COL28A1: variants seen among roughly 807,000 people sequenced by gnomAD.
The protein encoded by COL28A1 is collagen type XXVIII alpha 1 chain.
A neutral mutation model predicts 150.2 loss-of-function variants in COL28A1; 161 were observed. The observed-to-expected ratio is 1.07, with a 90% CI of 0.94 to 1.22. The LOEUF (loss-of-function observed/expected upper bound fraction) is 1.22. Ranked by LOEUF, COL28A1 falls within the 50% of genes most tolerant of loss-of-function variation. The probability of loss-of-function intolerance (pLI) is 0.00; values close to 1 mark genes in which losing one functional copy is unlikely to be tolerated. For missense variants in COL28A1, 1,617 were observed against 1,388.3 expected, an observed-to-expected ratio of 1.16 and a Z score of -2.62; for synonymous variants, 552 against 469.7, an observed-to-expected ratio of 1.18 and a Z score of -2.26.
At chr7:7,525,290 C>A (rs1781961011) in intron 3 of COL28A1, among the ~76,000 whole-genome samples, 1 of 152,098 alleles carries the variant, frequency 6.6e-6, no homozygotes, top group African/African-American at 2.4e-5. Flanking sequence ...GAATATTTTT[C>A]AAAACTATTT....
intron 30 of COL28A1, among the ~76,000 whole-genome samples, chr7:7,377,104 T>C (rs938183439): frequency 2.6e-5 from 4 of 152,226 alleles, no homozygotes; most frequent in African/African-American, 9.7e-5. Flanking sequence ...ATGTTCTTTG[T>C]CTTATCTTTT....
chr7:7,437,214 G>A (rs1217888848), intron 22 of COL28A1, among the ~76,000 whole-genome samples, 180 bp downstream of exon 22: 1 of 152,130 alleles, frequency 6.6e-6, no homozygotes, highest in East Asian at 1.9e-4. Flanking sequence ...CACAAAATCT[G>A]GTTTCTAGTC....
At chr7:7,530,425 T>C (rs988657410) in intron 3 of COL28A1, among the ~76,000 whole-genome samples, 1 of 152,150 alleles carries the variant, frequency 6.6e-6, no homozygotes, top group African/African-American at 2.4e-5. Context: ...ATCTCTGAAA[T>C]AGAGCCTGAG....
chr7:7,383,253 TGTG>T (rs1562511972), intron 27 of COL28A1, among the ~76,000 whole-genome samples: 41 of 105,346 alleles, frequency 3.9e-4, no homozygotes, highest in African/African-American at 2.0e-3. Flanking sequence ...TTTTTTGTTG[TGTG>T]TGTGTGTGTG....
At chr7:7,393,471 G>A (rs2128295285) in intron 27 of COL28A1, among the ~76,000 whole-genome samples, 1 of 152,368 alleles carries the variant, frequency 6.6e-6, no homozygotes, top group South Asian at 2.1e-4. Context: ...CCTTAGCAGA[G>A]CTTGAACGCT....
chr7:7,407,733 G>A (rs547019575), intron 27 of COL28A1, among the ~76,000 whole-genome samples: 38 of 151,926 alleles, frequency 2.5e-4, no homozygotes, highest in Middle Eastern at 3.4e-3. Flanking sequence ...GATGCAAGAC[G>A]GATTAAAGAG....
chr7:7,419,115 C>T (rs928331503), intron 26 of COL28A1, among the ~76,000 whole-genome samples: 1 of 152,164 alleles, frequency 6.6e-6, no homozygotes, highest in Admixed American at 6.5e-5. Flanking sequence ...CTTGCTACTT[C>T]TTTACCCTAC....
intron 11 of COL28A1, among the ~76,000 whole-genome samples, chr7:7,492,953 T>TA (rs1312913981): frequency 3.4e-5 from 5 of 149,056 alleles, no homozygotes; most frequent in African/African-American, 1.2e-4. Context: ...TTTATATATA[T>TA]ATGTTACATA....
chr7:7,411,833 C>T (rs183348883), intron 27 of COL28A1, among the ~76,000 whole-genome samples: 15 of 152,294 alleles, frequency 9.8e-5, no homozygotes, highest in Admixed American at 3.3e-4. Context: ...AAATAAATGA[C>T]GGGCTAAACC....
chr7:7,396,147 G>C (rs1293428661), intron 27 of COL28A1, among the ~76,000 whole-genome samples: 1 of 152,058 alleles, frequency 6.6e-6, no homozygotes, highest in African/African-American at 2.4e-5. Flanking sequence ...TTGATAGAAG[G>C]ACCTTATCCA....
intron 27 of COL28A1, among the ~76,000 whole-genome samples, chr7:7,384,371 G>T (rs993343052): frequency 5.9e-5 from 9 of 152,170 alleles, no homozygotes; most frequent in African/African-American, 2.2e-4. Context: ...TCAGTTTAAA[G>T]TCAGAATAGA....
intron 17 of COL28A1, 24 bp from the exon 18 acceptor site, chr7:7,452,411 A>T (rs760355599): frequency 1.3e-6 from 2 of 1,576,772 alleles, no homozygotes; most frequent in East Asian, 2.3e-5. Flanking sequence ...AGTTTAATAC[A>T]GCAGCAAAGT....
chr7:7,378,651 T>C (rs36026452), intron 30 of COL28A1, among the ~76,000 whole-genome samples: 73,684 of 151,912 alleles, frequency 0.49, 19,434 homozygotes, highest in South Asian at 0.61. Flanking sequence ...ACAGCTTTCA[T>C]GGGGGAGCAG....
At chr7:7,491,172 G>C (rs1306124521) in intron 11 of COL28A1, among the ~76,000 whole-genome samples, 1 of 152,100 alleles carries the variant, frequency 6.6e-6, no homozygotes, top group Admixed American at 6.6e-5. Context: ...GTCAGTCAGT[G>C]GGCAGCTGTT....
chr7:7,394,061 G>A (rs908756123), intron 27 of COL28A1, among the ~76,000 whole-genome samples: 55 of 152,228 alleles, frequency 3.6e-4, no homozygotes, highest in Admixed American at 2.4e-3. Context: ...GGCCCTGGTG[G>A]CGTAGGCACC....
At chr7:7,510,185 C>T (rs1781046773) in intron 9 of COL28A1, among the ~76,000 whole-genome samples, 2 of 152,092 alleles carry the variant, frequency 1.3e-5, no homozygotes, top group African/African-American at 4.8e-5. Flanking sequence ...GACCCTTTAA[C>T]ATCATGTTTC....
At chr7:7,393,418 G>A (rs1782659105) in intron 27 of COL28A1, among the ~76,000 whole-genome samples, 1 of 152,224 alleles carries the variant, frequency 6.6e-6, no homozygotes, top group East Asian at 1.9e-4. Flanking sequence ...CTCCCAGTCA[G>A]GAGACACAGG....
At chr7:7,476,259 T>C (rs546535648) in intron 14 of COL28A1, among the ~76,000 whole-genome samples, 13 of 152,332 alleles carry the variant, frequency 8.5e-5, no homozygotes, top group African/African-American at 2.9e-4. Flanking sequence ...CCAAAATGTA[T>C]CTTTACGTAC....
rs530765443 is a variant in COL28A1, at chr7:7,520,853, G to A, written c.760-738C>T. ...ATCTCTTGGTGTCATAGAGATAAAC[G>A]AAGACTTTATAGGAAGGGATGGCTA... On this transcript the variant is annotated intron_variant, in intron 5 of 34. Coordinates refer to ENST00000399429, the MANE Select transcript of COL28A1 (RefSeq NM_001037763.3). 6.6e-5 allele frequency among the ~76,000 whole-genome samples: 10 copies of A among 152,224 alleles called. No individual in the cohort carries two copies. In the South Asian group the frequency reaches 1.7e-3, roughly 25 times the overall value.
Sources: allele counts gnomAD v4.1 joint callset (sites outside exome capture counted in the v4.1 genomes callset), GRCh38; gene constraint gnomAD v4.1.1; transcripts MANE v1.5; gene names NCBI Gene and HGNC (gene_info 2026-07-23, HGNC 2026-07-21).